Variants in MANBA observed in about 807,000 individuals in gnomAD.
The protein encoded by MANBA is mannosidase beta.
A neutral mutation model predicts 111.1 loss-of-function variants in MANBA; 83 were observed. The observed-to-expected ratio is 0.75, with a 90% confidence interval of 0.63 to 0.90. The LOEUF (loss-of-function observed/expected upper bound fraction) is 0.90, where lower values mean the gene tolerates loss of function less well. Among genes scored for constraint, MANBA ranks in the 40% least tolerant of loss-of-function variants. The pLI, the probability that MANBA is intolerant of heterozygous loss-of-function variation, is 0.00. For synonymous variants in MANBA, 370 were observed against 378.7 expected (o/e 0.98, Z 0.27); for missense variants, 1,036 against 1,069.0 (o/e 0.97, Z 0.43).
intron 4 of MANBA, among the ~76,000 whole-genome samples, chr4:102,718,443 C>A (rs1260355617): frequency 6.6e-6 from 1 of 152,060 alleles, no homozygotes; most frequent in Non-Finnish European, 1.5e-5. Context: ...AGAAAAGAGT[C>A]TAGAACAGAG....
At chr4:102,742,470 T>C (rs1289507506) in intron 1 of MANBA, among the ~76,000 whole-genome samples, 2 of 152,180 alleles carry the variant, frequency 1.3e-5, no homozygotes, top group African/African-American at 2.4e-5. Flanking sequence ...CTGGAGAACT[T>C]TGCCGCAGCC....
At chr4:102,633,775 GT>G (rs869058731) in intron 16 of MANBA, among the ~76,000 whole-genome samples, 3 of 33,574 alleles carry the variant, frequency 8.9e-5, no homozygotes, top group African/African-American at 3.2e-4. Context: ...GTACATAGTG[GT>G]TTTTTTTTTC....
chr4:102,722,194 G>A (rs1722609922), intron 4 of MANBA, among the ~76,000 whole-genome samples: 1 of 152,070 alleles, frequency 6.6e-6, no homozygotes, highest in South Asian at 2.1e-4. Context: ...AGAAAGCTCT[G>A]TGGTTACTTA....
chr4:102,734,358 A>G, intron 1 of MANBA: 1 of 1,608,296 alleles, frequency 6.2e-7, no homozygotes, highest in Non-Finnish European at 8.5e-7. Flanking sequence ...GACTTGGGCC[A>G]TGGCCTCTGA....
intron 7 of MANBA, among the ~76,000 whole-genome samples, chr4:102,686,922 C>T (rs1277534340): frequency 6.6e-6 from 1 of 152,164 alleles, no homozygotes; most frequent in Non-Finnish European, 1.5e-5. Context: ...AACCCACATG[C>T]AATCCCTAAG....
intron 13 of MANBA, among the ~76,000 whole-genome samples, chr4:102,643,741 T>C (rs988130235): frequency 1.3e-5 from 2 of 152,218 alleles, no homozygotes; most frequent in African/African-American, 4.8e-5. Context: ...AATTGGGTTG[T>C]CTTTTTCACT....
intron 1 of MANBA, among the ~76,000 whole-genome samples, chr4:102,755,499 A>C (rs976559498): frequency 6.6e-6 from 1 of 152,194 alleles, no homozygotes; most frequent in African/African-American, 2.4e-5. Flanking sequence ...TAAATGTTAG[A>C]CCTAAAACCA....
At chr4:102,638,137 T>A (rs1729709867) in intron 14 of MANBA, among the ~76,000 whole-genome samples, 1 of 152,102 alleles carries the variant, frequency 6.6e-6, no homozygotes, top group Admixed American at 6.5e-5. Context: ...AACAAAGCAC[T>A]TTTAGGCCAG....
At chr4:102,699,435 C>T (rs1056407075) in intron 5 of MANBA, among the ~76,000 whole-genome samples, 198 of 151,976 alleles carry the variant, frequency 1.3e-3, no homozygotes, top group African/African-American at 4.5e-3. Context: ...TGTCTTGTGC[C>T]AGTTTTCAAA....
At chr4:102,702,321 C>T (rs1002644806) in intron 5 of MANBA, among the ~76,000 whole-genome samples, 6 of 151,780 alleles carry the variant, frequency 4.0e-5, no homozygotes, top group East Asian at 1.9e-4. Flanking sequence ...TCCTGTAGCT[C>T]GTAGTTTGAT....
chr4:102,680,996 T>C (rs553501342), intron 7 of MANBA, among the ~76,000 whole-genome samples: 1 of 152,318 alleles, frequency 6.6e-6, no homozygotes, highest in African/African-American at 2.4e-5. Context: ...GTTTAAAGTA[T>C]CCAGAGTGCT....
intron 14 of MANBA, among the ~76,000 whole-genome samples, chr4:102,637,353 C>A (rs1309441059): frequency 1.3e-5 from 2 of 152,168 alleles, no homozygotes; most frequent in African/African-American, 4.8e-5. Context: ...CAGCCCAAGG[C>A]AGGTCTCTAA....
chr4:102,650,385 G>T, intron 13 of MANBA, 152 bp downstream of exon 13: 1 of 769,236 alleles, frequency 1.3e-6, no homozygotes, highest in Non-Finnish European at 2.1e-6. Flanking sequence ...CATGTCCTAT[G>T]TGTCATCATA....
chr4:102,694,582 A>G (rs972103789), intron 5 of MANBA, among the ~76,000 whole-genome samples: 6 of 152,042 alleles, frequency 3.9e-5, no homozygotes, highest in African/African-American at 1.5e-4. Flanking sequence ...ACTTATCATC[A>G]CCAGCTCTCC....
intron 5 of MANBA, among the ~76,000 whole-genome samples, chr4:102,709,271 A>C: frequency 1.1e-5 from 1 of 88,674 alleles, no homozygotes; most frequent in Non-Finnish European, 2.3e-5. Context: ...GAGAGAGAGA[A>C]AGAAAAGAAA....
intron 5 of MANBA, among the ~76,000 whole-genome samples, chr4:102,714,091 G>T (rs995979318): frequency 7.2e-5 from 11 of 152,048 alleles, no homozygotes; most frequent in Admixed American, 5.9e-4. Context: ...GCAAGAATTT[G>T]ACACTAAAAG....
At chr4:102,715,683 T>A (rs1722292326) in intron 4 of MANBA, among the ~76,000 whole-genome samples, 1 of 152,160 alleles carries the variant, frequency 6.6e-6, no homozygotes, top group Non-Finnish European at 1.5e-5. Flanking sequence ...GGTGTGTTGT[T>A]CCCCTCTATG....
intron 1 of MANBA, among the ~76,000 whole-genome samples, chr4:102,749,205 T>C (rs1037175352): frequency 4.6e-5 from 7 of 152,172 alleles, no homozygotes; most frequent in Non-Finnish European, 1.0e-4. Flanking sequence ...AAGTAAGGGT[T>C]GGGAGAATTG....
intron 5 of MANBA, among the ~76,000 whole-genome samples, chr4:102,699,418 G>A (rs1404087061): frequency 2.0e-5 from 3 of 152,024 alleles, no homozygotes; most frequent in East Asian, 1.9e-4. Context: ...GTGAGAGATG[G>A]CATCCCTGTC....
Sources: gnomAD v4.1 joint callset for allele counts (sites outside exome capture counted in the v4.1 genomes callset) on GRCh38, gnomAD v4.1.1 for gene constraint, MANE v1.5 for transcripts, NCBI Gene and HGNC (gene_info 2026-07-23, HGNC 2026-07-21) for gene names.